Variants in THSD7B observed in about 807,000 individuals in gnomAD.
THSD7B encodes the protein thrombospondin type-1 domain-containing protein 7B.
Under a neutral mutation model 213.6 loss-of-function variants are expected in THSD7B, and 138 were observed. The observed-to-expected ratio is 0.65, with a 90% CI of 0.56 to 0.74. The LOEUF (loss-of-function observed/expected upper bound fraction) is 0.74. THSD7B is among the 30% of genes least tolerant of loss of function. THSD7B has a pLI of 0.00. For synonymous variants in THSD7B, 742 were observed against 687.0 expected (o/e 1.08, Z -1.25); for missense variants, 1,931 against 1,991.5 (o/e 0.97, Z 0.58).
chr2:137,407,433 G>GT (rs201315709), intron 13 of THSD7B, among the ~76,000 whole-genome samples: 3 of 151,940 alleles, frequency 2.0e-5, no homozygotes, highest in South Asian at 2.1e-4. Flanking sequence ...AAATACATGA[G>GT]TTTTTTTAAA....
In THSD7B at chr2:137,082,834, AT is replaced by A. The variant is rs375450136; in HGVS notation, c.951-12038del. 1.7e-3 allele frequency among the ~76,000 whole-genome samples: 264 copies of A among 152,166 alleles called. 1 individual carries two copies. The highest frequency in any genetic ancestry group is 6.2e-3 in the African/African-American group (257 of 41,556). The stretch of plus-strand genomic sequence containing the variant: ...TTCTGAGAGTGGTACTGCATTTTAA[AT>A]CTCTGTTGAATAATGTTTTCCAGTG... On this transcript the variant is annotated intron_variant, in intron 3 of 27. Transcript: ENST00000409968.
chr2:137,315,747 G>A (rs754159800), intron 12 of THSD7B, among the ~76,000 whole-genome samples: 34 of 152,180 alleles, frequency 2.2e-4, no homozygotes, highest in Non-Finnish European at 4.7e-4. Flanking sequence ...TAGAGATAGA[G>A]TGTTTTGTTT....
chr2:137,429,871 TA>T (rs907052318), intron 14 of THSD7B, among the ~76,000 whole-genome samples: 10 of 152,262 alleles, frequency 6.6e-5, no homozygotes, highest in Admixed American at 3.3e-4. Flanking sequence ...TGAATTTGAG[TA>T]AAGTTTCACC....
chr2:136,995,592 AT>A (rs1331101492), intron 2 of THSD7B, among the ~76,000 whole-genome samples: 3 of 152,096 alleles, frequency 2.0e-5, no homozygotes, highest in African/African-American at 7.2e-5. Context: ...CTAAGGGGAC[AT>A]TTTTTGGGAA....
intron 1 of THSD7B, among the ~76,000 whole-genome samples, chr2:136,872,479 A>G (rs1683445618): frequency 6.6e-6 from 1 of 152,028 alleles, no homozygotes; most frequent in African/African-American, 2.4e-5. Flanking sequence ...ACTGAGTCAC[A>G]TGGCAGCCCT....
At chr2:136,830,503 G>A (rs1200858145) in intron 1 of THSD7B, among the ~76,000 whole-genome samples, 1 of 152,152 alleles carries the variant, frequency 6.6e-6, no homozygotes, top group Non-Finnish European at 1.5e-5. Flanking sequence ...CACAGATAGT[G>A]TGTTAAGGTG....
intron 17 of THSD7B, among the ~76,000 whole-genome samples, chr2:137,586,960 C>G (rs1344974271): frequency 6.6e-6 from 1 of 152,212 alleles, no homozygotes; most frequent in Non-Finnish European, 1.5e-5. Context: ...CTCCCTGTCA[C>G]TTTCAGGTAC....
chr2:136,815,967 C>T (rs1014083112), intron 1 of THSD7B, among the ~76,000 whole-genome samples: 3 of 152,176 alleles, frequency 2.0e-5, no homozygotes, highest in African/African-American at 7.2e-5. Context: ...TCACTGCAAT[C>T]TCTGCCTCCT....
intron 15 of THSD7B, among the ~76,000 whole-genome samples, chr2:137,540,633 A>G (rs1170031190): frequency 1.3e-5 from 2 of 151,726 alleles, no homozygotes; most frequent in Non-Finnish European, 2.9e-5. Context: ...TCACACAGCT[A>G]TCTTTGTTTG....
At chr2:137,249,355 C>T (rs1471038652) in intron 10 of THSD7B, among the ~76,000 whole-genome samples, 3 of 151,884 alleles carry the variant, frequency 2.0e-5, no homozygotes, top group East Asian at 3.9e-4. Context: ...CATTAGAGTC[C>T]GATGACCATA....
chr2:137,124,002 C>G (rs1214543524), intron 5 of THSD7B, among the ~76,000 whole-genome samples: 1 of 152,184 alleles, frequency 6.6e-6, no homozygotes, highest in Non-Finnish European at 1.5e-5. Context: ...TGCATATAGT[C>G]TTACCATTCA....
At chr2:137,625,383 G>T (rs1352269784) in intron 20 of THSD7B, among the ~76,000 whole-genome samples, 2 of 151,556 alleles carry the variant, frequency 1.3e-5, no homozygotes, top group African/African-American at 4.9e-5. Flanking sequence ...TAAACAACGA[G>T]TTAATGGGTG....
chr2:137,629,363 C>T (rs938269103), intron 20 of THSD7B, among the ~76,000 whole-genome samples: 8 of 152,138 alleles, frequency 5.3e-5, no homozygotes, highest in Non-Finnish European at 7.4e-5. Context: ...GACAGATCTC[C>T]GTGTTATTCC....
intron 15 of THSD7B, among the ~76,000 whole-genome samples, chr2:137,474,674 A>G (rs1315637685): frequency 2.0e-5 from 3 of 152,224 alleles, no homozygotes; most frequent in Non-Finnish European, 4.4e-5. Context: ...CTGTTAGAGC[A>G]CAGTTACAAG....
At chr2:137,641,167 T>G (rs980780850) in intron 20 of THSD7B, among the ~76,000 whole-genome samples, 29 of 152,238 alleles carry the variant, frequency 1.9e-4, no homozygotes, top group Non-Finnish European at 4.3e-4. Flanking sequence ...TAAAAGACTC[T>G]GCTTTGAATA....
intron 2 of THSD7B, among the ~76,000 whole-genome samples, chr2:137,007,791 G>A (rs1466646451): frequency 6.6e-6 from 1 of 152,140 alleles, no homozygotes. Flanking sequence ...AGAGAAGTCT[G>A]TATGATGAAT....
At chr2:137,043,919 A>T (rs1413523348) in intron 2 of THSD7B, among the ~76,000 whole-genome samples, 2 of 152,128 alleles carry the variant, frequency 1.3e-5, no homozygotes, top group African/African-American at 4.8e-5. Context: ...CCATCCTTTA[A>T]CCCCCACACT....
At chr2:137,373,807 TC>T (rs2104953723) in intron 12 of THSD7B, among the ~76,000 whole-genome samples, 1 of 152,334 alleles carries the variant, frequency 6.6e-6, no homozygotes, top group East Asian at 1.9e-4. Context: ...GCCTAGGTTT[TC>T]TTCTAGGGTT....
At chr2:137,584,834 G>C (rs1681681617) in intron 17 of THSD7B, among the ~76,000 whole-genome samples, 1 of 152,170 alleles carries the variant, frequency 6.6e-6, no homozygotes, top group Non-Finnish European at 1.5e-5. Flanking sequence ...TTGGTATCAG[G>C]ATGATGCTGG....
Sources: allele counts gnomAD v4.1 joint callset (sites outside exome capture counted in the v4.1 genomes callset), GRCh38; gene constraint gnomAD v4.1.1; transcripts MANE v1.5; gene names NCBI Gene and HGNC (gene_info 2026-07-23, HGNC 2026-07-21).